The following TMC1 variants were observed in gnomAD, a reference collection of about 807,000 sequenced individuals.
TMC1 encodes transmembrane channel-like protein 1.
A neutral mutation model predicts 105.8 loss-of-function variants in TMC1; 84 were observed. The observed-to-expected ratio is 0.79, with a 90% CI of 0.67 to 0.95. The LOEUF is 0.95. TMC1 is among the 40% of genes least tolerant of loss of function. The pLI is 0.00. For synonymous variants in TMC1, 315 were observed against 311.5 expected (o/e 1.01, Z -0.12); for missense variants, 817 against 914.1 (o/e 0.89, Z 1.37).
chr9:72,706,021 TACTC>T (rs1297493743), intron 8 of TMC1, among the ~76,000 whole-genome samples: 1 of 152,228 alleles, frequency 6.6e-6, no homozygotes, highest in East Asian at 1.9e-4. Context: ...CATTCCTCCT[TACTC>T]AATCTCCCTT....
chr9:72,681,812 T>A (rs1826292443), intron 5 of TMC1, among the ~76,000 whole-genome samples: 1 of 152,212 alleles, frequency 6.6e-6, no homozygotes, highest in African/African-American at 2.4e-5. Flanking sequence ...GTGTCCTCTC[T>A]CTGTGACCTC....
chr9:72,597,281 G>A (rs377577360), intron 2 of TMC1, among the ~76,000 whole-genome samples: 15 of 152,308 alleles, frequency 9.8e-5, no homozygotes, highest in East Asian at 5.8e-4. Context: ...ACATGCGGCC[G>A]GAACCATGCC....
intron 5 of TMC1, among the ~76,000 whole-genome samples, chr9:72,650,569 G>A (rs72733006): frequency 0.099 from 15,035 of 151,682 alleles, 794 homozygotes; most frequent in Non-Finnish European, 0.13. Context: ...GTGTCACAGG[G>A]GTTTGTTGTG....
At chr9:72,657,138 C>T (rs1392084141) in intron 5 of TMC1, among the ~76,000 whole-genome samples, 1 of 152,224 alleles carries the variant, frequency 6.6e-6, no homozygotes, top group Non-Finnish European at 1.5e-5. Context: ...TTCTGTTATT[C>T]TATCCCACAA....
In TMC1 at chr9:72,695,455, C is replaced by T. The variant is rs377545959; in HGVS notation, c.236+741C>T. Among the ~76,000 whole-genome samples, 4 of 152,130 alleles carry T rather than the reference C, an allele frequency of 2.6e-5. No homozygotes were observed. In the South Asian group the frequency reaches 8.3e-4, roughly 31 times the overall value. ...AGGTAGGAAAAATGTACGTGTAAAA[C>T]ACCTCTAATTAAAGAGAAAACCTAG... On this transcript the variant is annotated intron_variant, in intron 7 of 23. Transcript: ENST00000297784.
chr9:72,785,157 G>A (rs938657721), intron 13 of TMC1, among the ~76,000 whole-genome samples: 1 of 152,064 alleles, frequency 6.6e-6, no homozygotes, highest in Non-Finnish European at 1.5e-5. Context: ...ATTTACATTA[G>A]TAGCACCCTC....
intron 8 of TMC1, among the ~76,000 whole-genome samples, chr9:72,730,204 G>A (rs1827187381): frequency 6.6e-6 from 1 of 152,200 alleles, no homozygotes; most frequent in Non-Finnish European, 1.5e-5. Context: ...AGGTAGAGAA[G>A]GTTAGAGTAA....
At chr9:72,752,274 C>A (rs1372942536) in intron 11 of TMC1, among the ~76,000 whole-genome samples, 1 of 152,150 alleles carries the variant, frequency 6.6e-6, no homozygotes, top group African/African-American at 2.4e-5. Flanking sequence ...ATGTTAAAAA[C>A]TATTGTTCAA....
intron 2 of TMC1, chr9:72,578,245 C>T (rs1481493150): frequency 6.6e-6 from 1 of 150,528 alleles, no homozygotes; most frequent in Non-Finnish European, 1.5e-5. Flanking sequence ...TTTCCACCCT[C>T]CTTTGTGCAC....
Position 72,805,393 on chromosome 9 carries a change from G to T in TMC1, c.1578G>T (p.Arg526Ser). ...WETMVGQEFVRLTVSDVLTTY... is the reference protein window; with the variant it reads ...WETMVGQEFVSLTVSDVLTTY... Reference sequence around the variant, plus strand: ...TAATATCTCAACAGGAGTTTGTGAGGCTGACAGTCTCTGATGTTCTGACCA... The same window carrying T: ...TAATATCTCAACAGGAGTTTGTGAGTCTGACAGTCTCTGATGTTCTGACCA... Residue 526 changes from arginine (R) to serine (S), a missense_variant, in exon 18 of 24, where the codon AGG becomes AGT. By Grantham distance (110) the Arg-to-Ser change is moderately radical. Transcript: ENST00000297784. 6.2e-7 allele frequency: 1 copy of T among 1,613,872 alleles called. No homozygotes were observed. The highest frequency in any genetic ancestry group is 8.5e-7 in the Non-Finnish European group (1 of 1,179,866).
At chr9:72,670,618 A>G (rs1381615877) in intron 5 of TMC1, among the ~76,000 whole-genome samples, 1 of 152,222 alleles carries the variant, frequency 6.6e-6, no homozygotes, top group Non-Finnish European at 1.5e-5. Context: ...TGTAATTAGT[A>G]AACAAAGAGC....
intron 7 of TMC1, among the ~76,000 whole-genome samples, chr9:72,696,360 T>G (rs1204765908): frequency 6.6e-5 from 10 of 152,194 alleles, no homozygotes; most frequent in African/African-American, 2.2e-4. Context: ...TTTTGCAAAT[T>G]GTATTTTTGC....
intron 1 of TMC1, among the ~76,000 whole-genome samples, chr9:72,576,957 A>G (rs2132095323): frequency 6.6e-6 from 1 of 152,080 alleles, no homozygotes; most frequent in East Asian, 1.9e-4. Flanking sequence ...TACCTCCTGG[A>G]ACGTGCTTTA....
At chr9:72,649,400 A>G (rs1825765223) in intron 5 of TMC1, among the ~76,000 whole-genome samples, 1 of 152,190 alleles carries the variant, frequency 6.6e-6, no homozygotes, top group Admixed American at 6.5e-5. Flanking sequence ...TTCTGTATAG[A>G]CTGTCTAGTC....
At position 72,641,810 on chromosome 9, in the gene TMC1, CTTTTTTTTTTTT is replaced by C. The variant is rs896125209; in HGVS notation, c.-52-6773_-52-6762del. On this transcript the variant is annotated intron_variant, in intron 4 of 23. Transcript: ENST00000297784. The stretch of plus-strand genomic sequence containing the variant: ...ATATGCTTATAAGGTAGTCCCAAAT[CTTTTTTTTTTTT>C]TTTTTTTTTTTTTGAGAGACAGTCT... 1.0e-4 allele frequency among the ~76,000 whole-genome samples: 9 copies of C among 87,002 alleles called. No homozygotes were observed. The East Asian group carries it at 1.3e-3, about 13-fold the overall frequency. 57.1% of individuals were successfully genotyped at this position (87,002 alleles called of 152,430 possible). A position where few individuals can be genotyped will look rare whatever the true frequency, so the allele number is the denominator to read the frequency against.
Position 72,567,838 on chromosome 9 carries a change from T to C in TMC1, c.-427-10064T>C, listed in dbSNP as rs114260032. Among the ~76,000 whole-genome samples, 616 of 152,288 alleles carry C rather than the reference T, an allele frequency of 4.0e-3. 4 individuals are homozygous for C. The highest frequency in any genetic ancestry group is 0.014 in the African/African-American group (585 of 41,562). On this transcript the variant is annotated intron_variant, in intron 1 of 23. Coordinates refer to ENST00000297784, the MANE Select transcript of TMC1 (RefSeq NM_138691.3). ...GTAGTCTTATTTTGTCTCAGACAAA[T>C]AATTTTACCTTTGAATCATTGTTCA...
At position 72,789,132 on chromosome 9, in the gene TMC1, A is replaced by G. The variant is rs749274559; in HGVS notation, c.1039A>G (p.Thr347Ala). 3.1e-6 allele frequency: 5 copies of G among 1,612,556 alleles called. No homozygotes were observed. The highest frequency in any genetic ancestry group is 2.5e-6 in the Non-Finnish European group (3 of 1,179,888). The change falls in exon 15 of 24, where the codon ACA (threonine) becomes GCA (alanine). Residue 347 changes from threonine (T) to alanine (A), a missense_variant. Coordinates refer to ENST00000297784, the MANE Select transcript of TMC1 (RefSeq NM_138691.3). ...GTTTTCATGGATACAGGAAGCTATC[A>G]CAGAAGAAAAAGCAGCCCAAGTAGA... ...SITMNFKEAI[T>A]EEKAAQVEEN...
intron 8 of TMC1, among the ~76,000 whole-genome samples, chr9:72,732,542 G>A (rs1002096990): frequency 3.3e-5 from 5 of 149,390 alleles, no homozygotes; most frequent in African/African-American, 1.2e-4. Flanking sequence ...TCCAGCCTGG[G>A]CAGACAGAGT....
chr9:72,795,919 A>G lies in TMC1; in HGVS notation c.1566+3567A>G, dbSNP rs1828357246. 3.3e-5 allele frequency among the ~76,000 whole-genome samples: 5 copies of G among 152,120 alleles called. No homozygotes were observed. In the South Asian group the frequency reaches 8.3e-4, roughly 25 times the overall value. ...CTTCAAGAGACCCATCTCATGCTTA[A>G]TAACACCCACACGCTAAAAATAAAG... is the stretch of plus-strand genomic sequence containing the variant. On this transcript the variant is annotated intron_variant, in intron 17 of 23. Coordinates refer to ENST00000297784, the MANE Select transcript of TMC1 (RefSeq NM_138691.3).
Sources: allele counts gnomAD v4.1 joint callset (sites outside exome capture counted in the v4.1 genomes callset), GRCh38; gene constraint gnomAD v4.1.1; transcripts MANE v1.5; gene names NCBI Gene and HGNC (gene_info 2026-07-23, HGNC 2026-07-21).